The following ERCC6L2 variants were observed in gnomAD, a reference collection of about 807,000 sequenced individuals.
ERCC6L2 encodes the protein ERCC excision repair 6 like 2.
ERCC6L2 carries 77 observed loss-of-function variants against 132.0 expected under a neutral mutation model. That is an observed-to-expected ratio of 0.58 (90% confidence interval 0.49 to 0.71). The LOEUF (loss-of-function observed/expected upper bound fraction) is 0.71, where lower values mean the gene tolerates loss of function less well. ERCC6L2 is among the 30% of genes least tolerant of loss of function. The pLI, the probability that ERCC6L2 is intolerant of heterozygous loss-of-function variation, is 0.00. For missense variants in ERCC6L2, 1,542 were observed against 1,837.6 expected (o/e 0.84, Z 2.94); for synonymous variants, 583 against 632.4 (o/e 0.92, Z 1.17).
At chr9:95,901,245 G>A (rs1034348199) in intron 3 of ERCC6L2, among the ~76,000 whole-genome samples, 36 of 151,890 alleles carry the variant, frequency 2.4e-4, no homozygotes, top group African/African-American at 8.0e-4. Context: ...GTGTCAACCC[G>A]ATTTTTTTCC....
chr9:96,004,582 T>A lies in ERCC6L2; in HGVS notation c.3555T>A (p.Ser1185Arg), dbSNP rs766880990. The A allele has an allele frequency of 7.6e-7, 1 of 1,312,330 alleles. No individual in the cohort carries two copies. The highest frequency in any genetic ancestry group is 1.0e-6 in the Non-Finnish European group (1 of 992,422). 81.3% of individuals were successfully genotyped at this position (1,312,330 alleles called of 1,614,324 possible). A position where few individuals can be genotyped will look rare whatever the true frequency, so the allele number is the denominator to read the frequency against. The stretch of plus-strand genomic sequence containing the variant: ...ACACAAAGAAAGGCCAGCAACCGAG[T>A]GAAGGCAGCATTTCACTTCCTCTTT... ...LPHTKKGQQP[S>R]EGSISLPLYI... Residue 1185 changes from serine (S) to arginine (R), a missense_variant, in exon 18 of 19, where the codon AGT (serine) becomes AGA (arginine). Around this residue, in one of 4 missense-constraint regions of ERCC6L2, gnomAD observed 442 missense variants for 583.4 expected, o/e 0.76. Transcript: ENST00000653738.
chr9:95,896,742 A>G (rs1163142090), intron 2 of ERCC6L2, among the ~76,000 whole-genome samples: 1 of 151,934 alleles, frequency 6.6e-6, no homozygotes, highest in Non-Finnish European at 1.5e-5. Context: ...GCTTTTTTGT[A>G]GGTGATCTGT....
In ERCC6L2 at chr9:96,017,495, A is replaced by C. The variant is rs1407485578; in HGVS notation, c.*4292A>C. ...TCCGGAGAGGCTTTTAAGCATGCACATGTCCAGGGTCCTCATCAAGAGACT... is the reference window on the plus strand; with the variant it reads ...TCCGGAGAGGCTTTTAAGCATGCACCTGTCCAGGGTCCTCATCAAGAGACT... On this transcript the variant is annotated 3_prime_UTR_variant, in exon 19 of 19. Transcript: ENST00000653738. 1.3e-5 allele frequency among the ~76,000 whole-genome samples: 2 copies of C among 152,316 alleles called. No individual in the cohort carries two copies. The highest frequency in any genetic ancestry group is 1.9e-4 in the East Asian group (1 of 5,186).
intron 17 of ERCC6L2, among the ~76,000 whole-genome samples, chr9:95,996,719 T>C (rs998989165): frequency 6.6e-6 from 1 of 152,228 alleles, no homozygotes; most frequent in Non-Finnish European, 1.5e-5. Context: ...CCCATCTGTT[T>C]ATGGCATGGC....
chr9:95,980,904 T>G (rs1228051228), intron 17 of ERCC6L2, among the ~76,000 whole-genome samples: 5 of 152,158 alleles, frequency 3.3e-5, no homozygotes, highest in Non-Finnish European at 1.5e-5. Flanking sequence ...CATCTGGGGC[T>G]CAATCTAGAA....
intron 12 of ERCC6L2, among the ~76,000 whole-genome samples, chr9:95,952,984 G>T (rs546671284): frequency 1.8e-4 from 27 of 152,228 alleles, no homozygotes; most frequent in South Asian, 1.0e-3. Flanking sequence ...TGCCAGAAAA[G>T]GACAAAGATT....
At chr9:96,006,371 G>T (rs1265053757) in intron 18 of ERCC6L2, among the ~76,000 whole-genome samples, 1 of 152,194 alleles carries the variant, frequency 6.6e-6, no homozygotes, top group East Asian at 1.9e-4. Flanking sequence ...GATGAGGTGG[G>T]AAACTGCCCA....
intron 4 of ERCC6L2, among the ~76,000 whole-genome samples, chr9:95,907,842 C>CACACACACACACACACACACAA (rs1554741196): frequency 6.7e-6 from 1 of 150,026 alleles, no homozygotes; most frequent in Non-Finnish European, 1.5e-5. Flanking sequence ...CACACACACA[C>CACACACACACACACACACACAA]ACACACACAC....
Position 95,875,904 on chromosome 9 carries a change from T to C in ERCC6L2, c.-135T>C. On this transcript the variant is annotated 5_prime_UTR_variant, in exon 1 of 19. Coordinates refer to ENST00000653738, the MANE Select transcript of ERCC6L2 (RefSeq NM_020207.7). Reference sequence around the variant, plus strand: ...CCCTCCTCCATCCTGTGGCTTCGGGTTGCCGAAGAGCGATGCTCGGAGGGC... The same window carrying C: ...CCCTCCTCCATCCTGTGGCTTCGGGCTGCCGAAGAGCGATGCTCGGAGGGC... 1 of 912,896 alleles carries C rather than the reference T, an allele frequency of 1.1e-6. No individual in the cohort carries two copies. Among genetic ancestry groups the C allele is most frequent in the Non-Finnish European group, 1.7e-6 (1 of 594,530 alleles). The allele number at this position is 912,896 out of a possible 1,614,324, so 56.5% of individuals were successfully genotyped here.
intron 17 of ERCC6L2, among the ~76,000 whole-genome samples, chr9:96,000,804 T>A (rs1350374653): frequency 6.6e-6 from 1 of 152,172 alleles, no homozygotes; most frequent in Non-Finnish European, 1.5e-5. Context: ...AAAAATTAGC[T>A]CGGCCTGTGG....
intron 17 of ERCC6L2, among the ~76,000 whole-genome samples, chr9:95,990,105 A>G (rs920282465): frequency 1.3e-5 from 2 of 152,246 alleles, no homozygotes; most frequent in Admixed American, 6.5e-5. Flanking sequence ...TGACCTGAAC[A>G]GACTGAGATG....
intron 12 of ERCC6L2, among the ~76,000 whole-genome samples, chr9:95,944,304 A>G (rs981050190): frequency 6.6e-6 from 1 of 152,230 alleles, no homozygotes. Context: ...TTCTACTTAT[A>G]TGAAATACCT....
intron 11 of ERCC6L2, among the ~76,000 whole-genome samples, chr9:95,933,321 C>A (rs914660997): frequency 2.6e-5 from 4 of 152,140 alleles, no homozygotes; most frequent in Non-Finnish European, 5.9e-5. Context: ...TTCTCCCTAT[C>A]CCACCTCATT....
intron 19 of ERCC6L2, among the ~76,000 whole-genome samples, chr9:96,027,354 C>T (rs1472099209): frequency 6.6e-6 from 1 of 152,186 alleles, no homozygotes; most frequent in Non-Finnish European, 1.5e-5. Flanking sequence ...GAAGTGGACA[C>T]AGGAGGAGCT....
At chr9:96,036,515 T>G (rs1834520268) in intron 19 of ERCC6L2, among the ~76,000 whole-genome samples, 1 of 152,186 alleles carries the variant, frequency 6.6e-6, no homozygotes, top group African/African-American at 2.4e-5. Flanking sequence ...CTGCTTGCCA[T>G]GCCTTGGCCA....
In ERCC6L2 at chr9:95,921,088, A is replaced by G. The variant is rs1564225599; in HGVS notation, c.1159-87A>G. 17 of 1,317,230 alleles carry G rather than the reference A, an allele frequency of 1.3e-5. No homozygotes were observed. The South Asian group carries it at 2.1e-4, about 16-fold the overall frequency. The allele number at this position is 1,317,230 out of a possible 1,614,324, so 81.6% of individuals were successfully genotyped here. ...CTGCGCCCGGCCAGTTTTCACTGTTATAATCTATGAAATCAGATGTAGATT... is the reference window on the plus strand; with the variant it reads ...CTGCGCCCGGCCAGTTTTCACTGTTGTAATCTATGAAATCAGATGTAGATT... On this transcript the variant is annotated intron_variant, in intron 6 of 18. Transcript: ENST00000653738.
chr9:95,907,293 G>A, intron 4 of ERCC6L2, 22 bp downstream of exon 4: 1 of 1,527,714 alleles, frequency 6.5e-7, no homozygotes. Flanking sequence ...AATAGGAATA[G>A]GAATGATTGT....
At chr9:95,993,574 T>C (rs183063864) in intron 17 of ERCC6L2, among the ~76,000 whole-genome samples, 57 of 152,334 alleles carry the variant, frequency 3.7e-4, no homozygotes, top group African/African-American at 1.3e-3. Flanking sequence ...ATGGGTTTCT[T>C]GAACAATGAG....
intron 12 of ERCC6L2, among the ~76,000 whole-genome samples, chr9:95,944,925 G>A (rs1317607515): frequency 6.6e-6 from 1 of 152,116 alleles, no homozygotes; most frequent in Non-Finnish European, 1.5e-5. Context: ...GCAAATGGAG[G>A]CAGGGCGAGA....
Sources: gnomAD v4.1 joint callset for allele counts (sites outside exome capture counted in the v4.1 genomes callset) on GRCh38, gnomAD v4.1.1 for gene constraint, gnomAD v4.1.1 regional missense constraint, MANE v1.5 for transcripts, NCBI Gene and HGNC (gene_info 2026-07-23, HGNC 2026-07-21) for gene names.